TJP1: variants seen among roughly 807,000 people sequenced by gnomAD.
TJP1 encodes tight junction protein ZO-1.
TJP1 carries 43 observed loss-of-function variants against 194.2 expected under a neutral mutation model. The observed-to-expected ratio is 0.22, with a 90% confidence interval of 0.17 to 0.29. The LOEUF is 0.29. TJP1 is among the 10% of genes least tolerant of loss of function. The pLI, the probability that TJP1 is intolerant of heterozygous loss-of-function variation, is 1.00. For synonymous variants in TJP1, 801 were observed against 779.0 expected, an observed-to-expected ratio of 1.03 and a Z score of -0.47; for missense variants, 1,971 against 2,185.7, an observed-to-expected ratio of 0.90 and a Z score of 1.96.
intron 8 of TJP1, among the ~76,000 whole-genome samples, chr15:29,748,953 T>TGTGCGC (rs768387529): frequency 3.1e-5 from 1 of 32,258 alleles, no homozygotes; most frequent in African/African-American, 6.7e-5. Flanking sequence ...TGTGTGTGTG[T>TGTGCGC]GCGCGTGTGT....
chr15:29,885,132 CT>C (rs1234866722), intron 2 of TJP1, among the ~76,000 whole-genome samples: 1 of 152,196 alleles, frequency 6.6e-6, no homozygotes, highest in African/African-American at 2.4e-5. Context: ...AATACTCCTC[CT>C]TTTCGGGTTC....
intron 2 of TJP1, among the ~76,000 whole-genome samples, chr15:29,836,507 G>C (rs1015620446): frequency 6.6e-6 from 1 of 151,978 alleles, no homozygotes; most frequent in African/African-American, 2.4e-5. Context: ...TCCTGACCTC[G>C]TGAACCACCT....
intron 2 of TJP1, among the ~76,000 whole-genome samples, chr15:29,833,874 TATA>T (rs1273133818): frequency 4.4e-4 from 10 of 22,754 alleles, no homozygotes; most frequent in Middle Eastern, 0.025. Flanking sequence ...TATATATATA[TATA>T]TATATTTTTT....
intron 2 of TJP1, among the ~76,000 whole-genome samples, chr15:29,920,874 T>A (rs900131332): frequency 3.9e-5 from 6 of 152,138 alleles, no homozygotes; most frequent in African/African-American, 1.2e-4. Context: ...TATCTAACAG[T>A]TTAAAAATAC....
intron 8 of TJP1, among the ~76,000 whole-genome samples, chr15:29,749,872 A>G (rs2045135031): frequency 6.6e-6 from 1 of 152,050 alleles, no homozygotes; most frequent in African/African-American, 2.4e-5. Context: ...AGACGGAGTC[A>G]CGCTCTGTCA....
intron 1 of TJP1, among the ~76,000 whole-genome samples, chr15:29,814,683 G>A (rs181175496): frequency 6.6e-6 from 1 of 152,180 alleles, no homozygotes; most frequent in African/African-American, 2.4e-5. Context: ...AATTAAACCA[G>A]GTATACGCTA....
chr15:29,877,555 CTTT>C (rs1205126655), intron 2 of TJP1, among the ~76,000 whole-genome samples: 3 of 151,978 alleles, frequency 2.0e-5, no homozygotes, highest in Non-Finnish European at 4.4e-5. Flanking sequence ...TCTTTTCTTT[CTTT>C]CTTTTTCTCT....
chr15:29,928,355 T>C (rs1357388), intron 2 of TJP1, among the ~76,000 whole-genome samples: 39,336 of 152,084 alleles, frequency 0.26, 5,367 homozygotes, highest in East Asian at 0.35. Flanking sequence ...ACTATGATGG[T>C]TAAAAATTTT....
intron 2 of TJP1, among the ~76,000 whole-genome samples, chr15:29,883,824 T>C (rs1468466533): frequency 1.3e-5 from 2 of 152,228 alleles, no homozygotes; most frequent in Non-Finnish European, 2.9e-5. Flanking sequence ...GGATGTATTT[T>C]ATTAATAAAA....
chr15:29,963,387 T>G lies in TJP1; in HGVS notation c.173+5280A>C, dbSNP rs151117727. Among the ~76,000 whole-genome samples the G allele has an allele frequency of 3.8e-3, 585 of 152,268 alleles. 7 individuals carry two copies. Among genetic ancestry groups the G allele is most frequent in the African/African-American group, 0.014 (566 of 41,568 alleles). On this transcript the variant is annotated intron_variant, in intron 1 of 28. Coordinates refer to the TJP1 transcript ENST00000356107. ...GTCTGAGCAAGTCAATGACCTAATT[T>G]GTAAAACCGAGAAAATACAGCCTCA...
chr15:29,917,285 T>G (rs1341643165), intron 2 of TJP1, among the ~76,000 whole-genome samples: 1 of 152,200 alleles, frequency 6.6e-6, no homozygotes, highest in African/African-American at 2.4e-5. Flanking sequence ...CATTTTGAAT[T>G]TTCATTTGTA....
At chr15:29,819,862 G>A (rs1028413763) in intron 1 of TJP1, among the ~76,000 whole-genome samples, 1 of 152,080 alleles carries the variant, frequency 6.6e-6, no homozygotes, top group African/African-American at 2.4e-5. Flanking sequence ...ACATTTAGTA[G>A]TATATATCAG....
At chr15:29,841,700 T>C (rs1281589989) in intron 2 of TJP1, among the ~76,000 whole-genome samples, 2 of 152,166 alleles carry the variant, frequency 1.3e-5, no homozygotes, top group East Asian at 1.9e-4. Context: ...CCCTGTTTTT[T>C]TCCTTCCTTC....
chr15:29,866,938 C>A (rs1372805838), intron 2 of TJP1, among the ~76,000 whole-genome samples: 6 of 152,282 alleles, frequency 3.9e-5, no homozygotes. Flanking sequence ...TCACCCTGAG[C>A]ACTCAGAAAG....
chr15:29,792,114 T>A (rs1012796472), intron 2 of TJP1, among the ~76,000 whole-genome samples: 3 of 152,232 alleles, frequency 2.0e-5, no homozygotes, highest in African/African-American at 4.8e-5. Flanking sequence ...GCAGCAGCTT[T>A]GAGCTTGATG....
chr15:29,818,670 ATT>A (rs11312672), intron 1 of TJP1, among the ~76,000 whole-genome samples: 75,425 of 125,018 alleles, frequency 0.6, 22,367 homozygotes, highest in Non-Finnish European at 0.68. Context: ...AGGCCCGGCT[ATT>A]TTTTTTTTTT....
chr15:29,926,624 A>G (rs1196157863), intron 2 of TJP1, among the ~76,000 whole-genome samples: 1 of 152,064 alleles, frequency 6.6e-6, no homozygotes, highest in African/African-American at 2.4e-5. Flanking sequence ...GAAAAAAAAA[A>G]AAAAAAGTAT....
In TJP1 at chr15:29,956,351, A is replaced by C. The variant is rs1289353534; in HGVS notation, c.187T>G (p.Ser63Ala). The change falls in exon 2 of 29, where the codon TCT becomes GCT. Residue 63 changes from serine (S) to alanine (A), a missense_variant. Coordinates refer to the TJP1 transcript ENST00000356107. Reference sequence around the variant, plus strand: ...GAAGTAGCACCATTAGGATTTTCAGAGGATGGCGTTACCCTGCAAGAAAGA... The same window carrying C: ...GAAGTAGCACCATTAGGATTTTCAGCGGATGGCGTTACCCTGCAAGAAAGA... 2.3e-6 allele frequency: 3 copies of C among 1,288,694 alleles called. No individual in the cohort carries two copies. In the African/African-American group the frequency reaches 4.6e-5, roughly 20 times the overall value. 79.8% of individuals were successfully genotyped at this position (1,288,694 alleles called of 1,614,324 possible).
At chr15:29,725,375 G>A (rs576141760) in intron 18 of TJP1, among the ~76,000 whole-genome samples, 5 of 152,244 alleles carry the variant, frequency 3.3e-5, no homozygotes, top group African/African-American at 1.2e-4. Context: ...AGGACATGGG[G>A]GGTCCTAAGC....
Sources: gnomAD v4.1 joint callset for allele counts (sites outside exome capture counted in the v4.1 genomes callset) on GRCh38, gnomAD v4.1.1 for gene constraint, MANE v1.5 for transcripts, NCBI Gene and HGNC (gene_info 2026-07-23, HGNC 2026-07-21) for gene names.